Variants in ITGA8 observed in about 807,000 individuals in gnomAD.
ITGA8 encodes integrin subunit alpha 8, also known as integrin alpha-8.
In ITGA8, 91 loss-of-function variants were observed where a neutral mutation model predicts 142.3. The observed-to-expected ratio is 0.64, with a 90% CI of 0.54 to 0.76. ITGA8 has a LOEUF of 0.76. Ranked by LOEUF, ITGA8 falls within the 30% of genes least tolerant of loss-of-function variation. The pLI, the probability that ITGA8 is intolerant of heterozygous loss-of-function variation, is 0.00. For missense variants in ITGA8, 1,406 were observed against 1,327.7 expected (o/e 1.06, Z -0.92); for synonymous variants, 505 against 485.2 (o/e 1.04, Z -0.54).
intron 20 of ITGA8, among the ~76,000 whole-genome samples, chr10:15,603,886 G>A (rs45460298): frequency 0.014 from 2,075 of 152,304 alleles, 14 homozygotes; most frequent in Non-Finnish European, 0.019. Context: ...AGAAAAGTCA[G>A]TGAAGACAGG....
At chr10:15,602,882 G>A (rs989913408) in intron 20 of ITGA8, among the ~76,000 whole-genome samples, 1 of 151,668 alleles carries the variant, frequency 6.6e-6, no homozygotes, top group Non-Finnish European at 1.5e-5. Flanking sequence ...AAAAGAAATG[G>A]AATTATTTTT....
rs147487876 is a variant in ITGA8 at position 15,592,828 on chromosome 10, G to T, written c.2212-524C>A. Reference sequence around the variant, plus strand: ...TCTGGTCTTGAACTCCTGATTTCACGCAATTCTCCTGCCTTGGCCTCCCAA... The same window carrying T: ...TCTGGTCTTGAACTCCTGATTTCACTCAATTCTCCTGCCTTGGCCTCCCAA... On this transcript the variant is annotated intron_variant, in intron 21 of 29. Coordinates refer to ENST00000378076, the MANE Select transcript of ITGA8 (RefSeq NM_003638.3). Among the ~76,000 whole-genome samples the T allele has an allele frequency of 1.4e-3, 220 of 152,236 alleles. 1 individual carries two copies. Among genetic ancestry groups the T allele is most frequent in the African/African-American group, 5.0e-3 (208 of 41,546 alleles).
intron 9 of ITGA8, 43 bp from the exon 10 acceptor site, chr10:15,659,098 A>T (rs754416329): frequency 8.2e-6 from 11 of 1,349,064 alleles, no homozygotes; most frequent in Non-Finnish European, 1.1e-5. Flanking sequence ...TTTGCCATAG[A>T]ATTGGAGCCT....
intron 2 of ITGA8, among the ~76,000 whole-genome samples, chr10:15,704,603 G>T (rs1835223889): frequency 1.3e-5 from 2 of 152,086 alleles, no homozygotes; most frequent in Admixed American, 1.3e-4. Context: ...ACATATCGTA[G>T]TCATAGGTAC....
intron 23 of ITGA8, among the ~76,000 whole-genome samples, chr10:15,578,994 A>T (rs1834351962): frequency 6.6e-6 from 1 of 152,122 alleles, no homozygotes; most frequent in Admixed American, 6.6e-5. Flanking sequence ...TTTATTTTTT[A>T]ATTATAAAAA....
At chr10:15,682,825 G>A (rs938299885) in intron 4 of ITGA8, among the ~76,000 whole-genome samples, 50 of 144,094 alleles carry the variant, frequency 3.5e-4, no homozygotes, top group African/African-American at 1.3e-3. Context: ...TTGCACTCCA[G>A]CCTGGGTGAC....
intron 2 of ITGA8, among the ~76,000 whole-genome samples, chr10:15,710,840 A>T (rs2131737816): frequency 6.6e-6 from 1 of 152,348 alleles, no homozygotes; most frequent in African/African-American, 2.4e-5. Flanking sequence ...GGGCCGGGTC[A>T]GGTCTTTGAA....
chr10:15,667,175 G>C (rs1042203884), intron 8 of ITGA8, among the ~76,000 whole-genome samples: 1 of 152,096 alleles, frequency 6.6e-6, no homozygotes, highest in African/African-American at 2.4e-5. Flanking sequence ...GTAAGCTATT[G>C]ATTATTGCCT....
rs1265230881 is a variant in ITGA8, at chr10:15,515,418, A to G, written c.*1740T>C. Reference sequence around the variant, plus strand: ...GTGCCTTTCATTTGCTCCTCAATGAAGTTCCGCAGCTGTAGCCAAATGGCT... The same window carrying G: ...GTGCCTTTCATTTGCTCCTCAATGAGGTTCCGCAGCTGTAGCCAAATGGCT... On this transcript the variant is annotated 3_prime_UTR_variant, in exon 30 of 30. Transcript: ENST00000378076. 1.3e-5 allele frequency: 2 copies of G among 152,230 alleles called. No individual in the cohort carries two copies. Among genetic ancestry groups the G allele is most frequent in the East Asian group, 3.9e-4 (2 of 5,194 alleles). The allele number at this position is 152,230 out of a possible 1,614,324, so 9.4% of individuals were successfully genotyped here.
At chr10:15,701,789 T>G (rs1312496777) in intron 2 of ITGA8, among the ~76,000 whole-genome samples, 4 of 152,222 alleles carry the variant, frequency 2.6e-5, no homozygotes, top group African/African-American at 9.6e-5. Context: ...TTTGTCTCCT[T>G]GGAGATTTTC....
chr10:15,670,326 A>G (rs971253465), intron 8 of ITGA8, among the ~76,000 whole-genome samples: 1 of 152,174 alleles, frequency 6.6e-6, no homozygotes, highest in Non-Finnish European at 1.5e-5. Flanking sequence ...AGCTCATGCA[A>G]TCTTCAGAAC....
chr10:15,674,034 A>T (rs1299495883), intron 6 of ITGA8, among the ~76,000 whole-genome samples: 1 of 151,406 alleles, frequency 6.6e-6, no homozygotes, highest in Non-Finnish European at 1.5e-5. Flanking sequence ...TTTGAAAGCC[A>T]AATTAGTCTT....
chr10:15,636,046 C>A (rs546965585), intron 13 of ITGA8, among the ~76,000 whole-genome samples: 9 of 152,052 alleles, frequency 5.9e-5, no homozygotes, highest in African/African-American at 2.2e-4. Flanking sequence ...ATAGTAGGGG[C>A]CCGGATGAGA....
At chr10:15,523,129 T>G (rs1411050550) in intron 28 of ITGA8, among the ~76,000 whole-genome samples, 1 of 152,160 alleles carries the variant, frequency 6.6e-6, no homozygotes, top group African/African-American at 2.4e-5. Flanking sequence ...GGAGTTGAAA[T>G]AGAGGCTCTT....
intron 13 of ITGA8, 88 bp downstream of exon 13, chr10:15,643,942 A>G (rs1833916185): frequency 8.3e-7 from 1 of 1,210,730 alleles, no homozygotes; most frequent in Non-Finnish European, 1.1e-6. Flanking sequence ...TCTGTAGAAG[A>G]AAACTGCCTT....
intron 8 of ITGA8, among the ~76,000 whole-genome samples, chr10:15,669,988 C>G (rs142397041): frequency 1.3e-5 from 2 of 152,114 alleles, no homozygotes; most frequent in Admixed American, 6.5e-5. Flanking sequence ...GCAGTCTGCC[C>G]GTTCTCAGAT....
chr10:15,693,602 T>A (rs571023630), intron 2 of ITGA8, among the ~76,000 whole-genome samples: 3 of 152,326 alleles, frequency 2.0e-5, no homozygotes, highest in Non-Finnish European at 2.9e-5. Flanking sequence ...TATAGACATT[T>A]CTATTTATGT....
chr10:15,636,198 C>A (rs769516928), intron 13 of ITGA8, among the ~76,000 whole-genome samples: 58 of 152,256 alleles, frequency 3.8e-4, no homozygotes, highest in Admixed American at 6.5e-4. Flanking sequence ...TATTGTTATA[C>A]AATCACGTTT....
chr10:15,674,864 T>C (rs1834596629), intron 6 of ITGA8, among the ~76,000 whole-genome samples: 2 of 151,416 alleles, frequency 1.3e-5, no homozygotes. Flanking sequence ...CACTTAAACC[T>C]GGGAGGCAGA....
Sources: gnomAD v4.1 joint callset for allele counts (sites outside exome capture counted in the v4.1 genomes callset) on GRCh38, gnomAD v4.1.1 for gene constraint, MANE v1.5 for transcripts, NCBI Gene and HGNC (gene_info 2026-07-23, HGNC 2026-07-21) for gene names.